The following PPP2CB variants were observed in gnomAD, a reference collection of about 807,000 sequenced individuals.
The protein encoded by PPP2CB is protein phosphatase 2 catalytic subunit beta.
In PPP2CB, 18 loss-of-function variants were observed where a neutral mutation model predicts 39.1. The observed-to-expected ratio is 0.46, with a 90% CI of 0.32 to 0.68. The LOEUF (loss-of-function observed/expected upper bound fraction) is 0.68, where lower values mean the gene tolerates loss of function less well. Among genes scored for constraint, PPP2CB ranks in the 30% least tolerant of loss-of-function variants. PPP2CB has a pLI of 0.04. For missense variants in PPP2CB, 226 were observed against 396.9 expected (o/e 0.57, Z 3.66); for synonymous variants, 129 against 133.8 (o/e 0.96, Z 0.25).
chr8:30,793,716 T>C (rs1419058724), intron 5 of PPP2CB: 2 of 487,028 alleles, frequency 4.1e-6, no homozygotes, highest in Non-Finnish European at 7.0e-6. Flanking sequence ...GTAACTTTTT[T>C]CTAAGTCTCA....
At chr8:30,788,851 T>C (rs1447055551) in intron 6 of PPP2CB, among the ~76,000 whole-genome samples, 4 of 152,206 alleles carry the variant, frequency 2.6e-5, no homozygotes, top group Admixed American at 1.3e-4. Flanking sequence ...CCTTGTTCTT[T>C]CCATGTCTTA....
Position 30,791,477 on chromosome 8 carries a change from T to C in PPP2CB, c.739-162A>G, listed in dbSNP as rs74529018. 8.0e-3 allele frequency: 4,623 copies of C among 579,762 alleles called. 175 individuals carry two copies. The African/African-American group carries it at 0.08, about 10-fold the overall frequency. 35.9% of individuals were successfully genotyped at this position (579,762 alleles called of 1,614,324 possible). A position where few individuals can be genotyped will look rare whatever the true frequency, so the allele number is the denominator to read the frequency against. On this transcript the variant is annotated intron_variant, in intron 5 of 6. Coordinates refer to ENST00000221138, the MANE Select transcript of PPP2CB (RefSeq NM_001009552.2). ...CCATCTTTAATAGTTTGTGTACCTG[T>C]AAAGAATACTGTGCAATTCGTGGGC...
At chr8:30,794,128 T>G in intron 4 of PPP2CB, 50 bp from the exon 5 acceptor site, 1 of 1,606,122 alleles carries the variant, frequency 6.2e-7, no homozygotes, top group South Asian at 1.1e-5. Flanking sequence ...AGTCATACTT[T>G]ATCATCCTCA....
At chr8:30,809,443 C>G (rs980786208) in intron 1 of PPP2CB, among the ~76,000 whole-genome samples, 1 of 151,986 alleles carries the variant, frequency 6.6e-6, no homozygotes, top group Non-Finnish European at 1.5e-5. Flanking sequence ...TGTATATATA[C>G]TCATACATAC....
At chr8:30,810,687 A>G (rs1206794865) in intron 1 of PPP2CB, among the ~76,000 whole-genome samples, 1 of 152,228 alleles carries the variant, frequency 6.6e-6, no homozygotes, top group African/African-American at 2.4e-5. Context: ...CTGAAGCCAC[A>G]AGTAAGCAGT....
At chr8:30,805,462 G>A (rs1312812377) in intron 1 of PPP2CB, among the ~76,000 whole-genome samples, 1 of 151,906 alleles carries the variant, frequency 6.6e-6, no homozygotes, top group Admixed American at 6.6e-5. Context: ...CGGGAGGCTG[G>A]GGCAGGTGAA....
intron 1 of PPP2CB, among the ~76,000 whole-genome samples, chr8:30,804,941 C>A (rs552305277): frequency 1.3e-5 from 2 of 152,150 alleles, no homozygotes; most frequent in African/African-American, 4.8e-5. Flanking sequence ...TCCCCATCTT[C>A]TGCTTTTTCT....
intron 6 of PPP2CB, 66 bp downstream of exon 6, chr8:30,791,128 ATCT>A: frequency 9.4e-7 from 1 of 1,069,482 alleles, no homozygotes; most frequent in African/African-American, 1.6e-5. Flanking sequence ...AGAAACAGAA[ATCT>A]TCTATTTTTA....
chr8:30,801,453 G>T (rs1015448815), intron 1 of PPP2CB, among the ~76,000 whole-genome samples: 6 of 151,732 alleles, frequency 4.0e-5, no homozygotes, highest in African/African-American at 1.5e-4. Flanking sequence ...AATATGACAT[G>T]AACCTGGGAG....
intron 5 of PPP2CB, among the ~76,000 whole-genome samples, chr8:30,791,903 C>T (rs1806438760): frequency 2.0e-5 from 3 of 151,222 alleles, no homozygotes. Context: ...TGTGTATATA[C>T]ATGTGTATAT....
chr8:30,799,723 C>T lies in PPP2CB; in HGVS notation c.135G>A (p.Val45=), dbSNP rs768375486. The T allele has an allele frequency of 3.0e-5, 49 of 1,613,820 alleles. No individual in the cohort carries two copies. The highest frequency in any genetic ancestry group is 3.9e-5 in the Non-Finnish European group (46 of 1,179,942). ...AKEILTKESN[V]QEVRCPVTVC... is the part of the protein sequence containing the mutation. ...CAGTAACAGGGCAACGAACCTCTTG[C>T]ACATTTGATTCTTTTGTTAAAATTT... Residue 45 remains valine (V), a synonymous_variant, in exon 2 of 7, where the codon GTG becomes GTA. Transcript: ENST00000221138.
At chr8:30,787,229 G>C (rs1424526144) in intron 6 of PPP2CB, among the ~76,000 whole-genome samples, 1 of 152,204 alleles carries the variant, frequency 6.6e-6, no homozygotes, top group African/African-American at 2.4e-5. Flanking sequence ...ATGCTGGTCT[G>C]TTTTTGCCTT....
chr8:30,787,408 T>C lies in PPP2CB; in HGVS notation c.858-1101A>G, dbSNP rs140699412. ...AAGCTGGAGTGCAGTGGTGTGATCATGGCTCACTGTAGCCTCAACCTCCCT... is the reference window on the plus strand; with the variant it reads ...AAGCTGGAGTGCAGTGGTGTGATCACGGCTCACTGTAGCCTCAACCTCCCT... On this transcript the variant is annotated intron_variant, in intron 6 of 6. Transcript: ENST00000221138. Among the ~76,000 whole-genome samples the C allele has an allele frequency of 5.1e-3, 782 of 152,314 alleles. 8 individuals carry two copies. The highest frequency in any genetic ancestry group is 0.018 in the African/African-American group (749 of 41,572).
intron 1 of PPP2CB, among the ~76,000 whole-genome samples, chr8:30,802,774 G>C (rs1202457687): frequency 6.6e-6 from 1 of 152,154 alleles, no homozygotes; most frequent in Non-Finnish European, 1.5e-5. Context: ...ATTTTATTCA[G>C]CCATAAAAAG....
intron 6 of PPP2CB, 81 bp downstream of exon 6, chr8:30,791,116 T>G: frequency 2.1e-6 from 2 of 957,538 alleles, no homozygotes; most frequent in Non-Finnish European, 3.1e-6. Flanking sequence ...TCATCCAATT[T>G]CAGAAACAGA....
intron 2 of PPP2CB, 129 bp from the exon 3 acceptor site, chr8:30,797,883 T>C: frequency 2.2e-6 from 2 of 900,390 alleles, no homozygotes; most frequent in Non-Finnish European, 3.2e-6. Flanking sequence ...TTAATTTCAG[T>C]TTCAAAATAA....
intron 1 of PPP2CB, among the ~76,000 whole-genome samples, chr8:30,809,162 C>T (rs192291014): frequency 4.7e-4 from 71 of 151,870 alleles, no homozygotes; most frequent in Admixed American, 4.6e-3. Flanking sequence ...GATCTACCTG[C>T]ATCGGCCTCC....
intron 6 of PPP2CB, among the ~76,000 whole-genome samples, chr8:30,788,316 T>C (rs1806376868): frequency 6.6e-6 from 1 of 152,118 alleles, no homozygotes. Flanking sequence ...TAGGCTGTAG[T>C]GTAGTGCTGT....
chr8:30,789,049 CTTT>C (rs5890534), intron 6 of PPP2CB, among the ~76,000 whole-genome samples: 10 of 137,032 alleles, frequency 7.3e-5, no homozygotes, highest in Admixed American at 2.2e-4. Flanking sequence ...GATGTTTTTA[CTTT>C]TTTTTTTTTT....
Sources: gnomAD v4.1 joint callset for allele counts (sites outside exome capture counted in the v4.1 genomes callset) on GRCh38, gnomAD v4.1.1 for gene constraint, MANE v1.5 for transcripts, NCBI Gene and HGNC (gene_info 2026-07-23, HGNC 2026-07-21) for gene names.